DCPS: variants seen among roughly 807,000 people sequenced by gnomAD.
DCPS encodes decapping enzyme, scavenger, also known as m7GpppX diphosphatase.
A neutral mutation model predicts 34.7 loss-of-function variants in DCPS; 27 were observed. The ratio of observed to expected loss-of-function variants is 0.78; its 90% confidence interval spans 0.57 to 1.07. The LOEUF is 1.07. DCPS is among the 50% of genes least tolerant of loss of function. DCPS has a pLI of 0.00. For synonymous variants in DCPS, 185 were observed against 185.7 expected, an observed-to-expected ratio of 1.00 and a Z score of 0.03; for missense variants, 464 against 436.9, an observed-to-expected ratio of 1.06 and a Z score of -0.55.
chr11:126,318,478 C>CCAGGGGACATCCCA (rs1951679635), intron 2 of DCPS, among the ~76,000 whole-genome samples: 1 of 152,208 alleles, frequency 6.6e-6, no homozygotes, highest in Non-Finnish European at 1.5e-5. Flanking sequence ...TGTCGCCTAG[C>CCAGGGGACATCCCA]CAGGGGACAT....
Position 126,309,024 on chromosome 11 carries a change from C to CTT in DCPS, c.376+2296_376+2297dup, listed in dbSNP as rs543850318. Among the ~76,000 whole-genome samples, 272 of 138,392 alleles carry CTT rather than the reference C, an allele frequency of 2.0e-3. 3 individuals are homozygous for CTT. The highest frequency in any genetic ancestry group is 3.7e-3 in the South Asian group (16 of 4,366). The allele number at this position is 138,392 out of a possible 152,430, so 90.8% of individuals were successfully genotyped here. ...TAGTTCATCTTTTCTTTTCCTGCCCCTTTTTTTTTTTTTTTTTGAGATGGA... is the reference window on the plus strand; with the variant it reads ...TAGTTCATCTTTTCTTTTCCTGCCCCTTTTTTTTTTTTTTTTTTTGAGATGGA... On this transcript the variant is annotated intron_variant, in intron 2 of 5. Coordinates refer to ENST00000263579, the MANE Select transcript of DCPS (RefSeq NM_014026.6).
rs1951627054 is a variant in DCPS, at chr11:126,312,705, TA to T, written c.376+5962del. ...TGACTTCATGGCCACTGTCCTGGAT[TA>T]GGACCCATTAAGAGAAGGTGTATAG... On this transcript the variant is annotated intron_variant, in intron 2 of 5. Coordinates refer to ENST00000263579, the MANE Select transcript of DCPS (RefSeq NM_014026.6). The surrounding 1 kb of genome is among the most constrained non-coding windows in gnomAD (Gnocchi z 5.1). Among the ~76,000 whole-genome samples, 3 of 152,182 alleles carry T rather than the reference TA, an allele frequency of 2.0e-5. No homozygotes were observed. Among genetic ancestry groups the T allele is most frequent in the Non-Finnish European group, 4.4e-5 (3 of 68,034 alleles).
In DCPS at chr11:126,332,154, A is replaced by ACTCTTCCC. The variant is rs1429605906; in HGVS notation, c.522+605_522+612dup. Among the ~76,000 whole-genome samples the ACTCTTCCC allele has an allele frequency of 2.0e-5, 3 of 150,618 alleles. No individual in the cohort carries two copies. Among genetic ancestry groups the ACTCTTCCC allele is most frequent in the African/African-American group, 7.4e-5 (3 of 40,812 alleles). On this transcript the variant is annotated intron_variant, in intron 3 of 5. Transcript: ENST00000263579. This position sits in a 1 kb window ranked among gnomAD's most constrained non-coding sequence, Gnocchi z 5.4. ...GCAGGATCTCAGTCTCAGAGGAAAAACTCTTCCCTCACCGACTCCCCCTTG... is the reference window on the plus strand; with the variant it reads ...GCAGGATCTCAGTCTCAGAGGAAAAACTCTTCCCCTCTTCCCTCACCGACTCCCCCTTG...
rs1951791304 is a variant in DCPS, at chr11:126,331,433, C to T, written c.405C>T (p.Ala135=). 6.2e-7 allele frequency: 1 copy of T among 1,614,096 alleles called. No homozygotes were observed. Among genetic ancestry groups the T allele is most frequent in the Admixed American group, 1.7e-5 (1 of 60,010 alleles). The change falls in exon 3 of 6, where the codon GCC becomes GCT. Residue 135 remains alanine (A), a synonymous_variant. Coordinates refer to ENST00000263579, the MANE Select transcript of DCPS (RefSeq NM_014026.6). The surrounding 1 kb of genome is among the most constrained non-coding windows in gnomAD (Gnocchi z 7.2). ...NDVKTTVVYP[A]TEKHLQKYLR... ...TAAAGACGACCGTGGTTTACCCTGC[C>T]ACAGAGAAACACCTGCAGAAGTACC...
At chr11:126,306,806 G>GGTA in intron 2 of DCPS, 62 bp downstream of exon 2, 1 of 1,545,988 alleles carries the variant, frequency 6.5e-7, no homozygotes, top group East Asian at 2.3e-5. Context: ...GAAATTAGGT[G>GGTA]GTATGGTGAC....
rs1951934120 is a variant in DCPS at position 126,346,787 on chromosome 11, T to G, written c.*1174T>G. ...AGAACCAGGAAGCCTCATTCAGAGA[T>G]TAGCCCCTTTACTGCAGGTGGTAGC... On this transcript the variant is annotated 3_prime_UTR_variant, in exon 6 of 6. Transcript: ENST00000263579. This position sits in a 1 kb window ranked among gnomAD's most constrained non-coding sequence, Gnocchi z 4.1. Among the ~76,000 whole-genome samples, 1 of 152,150 alleles carries G rather than the reference T, an allele frequency of 6.6e-6. No individual in the cohort carries two copies. Among genetic ancestry groups the G allele is most frequent in the African/African-American group, 2.4e-5 (1 of 41,430 alleles).
intron 1 of DCPS, among the ~76,000 whole-genome samples, chr11:126,305,143 C>T (rs190531864): frequency 1.8e-3 from 269 of 152,210 alleles, no homozygotes; most frequent in African/African-American, 5.7e-3. Flanking sequence ...GGAGTCTCTC[C>T]TCTCTGTCAC....
At position 126,327,753 on chromosome 11, in the gene DCPS, C is replaced by T. The variant is rs1054375802; in HGVS notation, c.377-3652C>T. On this transcript the variant is annotated intron_variant, in intron 2 of 5. Transcript: ENST00000263579. The surrounding 1 kb of genome is among the most constrained non-coding windows in gnomAD (Gnocchi z 4.1). ...AAAAATGCTCTTCCTGGGTTTAAGT[C>T]GAAAAGGCCAGATTCATTGATTCAT... Among the ~76,000 whole-genome samples, 3 of 152,176 alleles carry T rather than the reference C, an allele frequency of 2.0e-5. No homozygotes were observed. The highest frequency in any genetic ancestry group is 4.8e-5 in the African/African-American group (2 of 41,436).
chr11:126,338,176 G>C lies in DCPS; in HGVS notation c.523-110G>C, dbSNP rs1337279644. On this transcript the variant is annotated intron_variant, in intron 3 of 5. Coordinates refer to ENST00000263579, the MANE Select transcript of DCPS (RefSeq NM_014026.6). The surrounding 1 kb of genome is among the most constrained non-coding windows in gnomAD (Gnocchi z 5.4). ...CCTCTGAGCGTGGCGGCCTTTTATGGCTTGGTTCTGTCTCCTGGAGAGGCC... is the reference window on the plus strand; with the variant it reads ...CCTCTGAGCGTGGCGGCCTTTTATGCCTTGGTTCTGTCTCCTGGAGAGGCC... 3.9e-5 allele frequency: 39 copies of C among 994,584 alleles called. No individual in the cohort carries two copies. Among genetic ancestry groups the C allele is most frequent in the Non-Finnish European group, 5.8e-5 (38 of 649,914 alleles). 61.6% of individuals were successfully genotyped at this position (994,584 alleles called of 1,614,324 possible). A position where few individuals can be genotyped will look rare whatever the true frequency, so the allele number is the denominator to read the frequency against.
chr11:126,326,360 C>T (rs1225611182), intron 2 of DCPS, among the ~76,000 whole-genome samples: 5 of 152,130 alleles, frequency 3.3e-5, no homozygotes, highest in Admixed American at 6.5e-5. Context: ...GTGTGGGTCC[C>T]GGCCCTGAGC....
rs1428016069 is a variant in DCPS, at chr11:126,345,976, T to G, written c.*363T>G. 6.6e-6 allele frequency among the ~76,000 whole-genome samples: 1 copy of G among 152,116 alleles called. No individual in the cohort carries two copies. The highest frequency in any genetic ancestry group is 1.5e-5 in the Non-Finnish European group (1 of 68,016). ...TCTGTGCCTCTCCTGTTTGTACAAC[T>G]TCTTATTCTGCTCCTCCCCATCACC... On this transcript the variant is annotated 3_prime_UTR_variant, in exon 6 of 6. Coordinates refer to ENST00000263579, the MANE Select transcript of DCPS (RefSeq NM_014026.6). This position sits in a 1 kb window ranked among gnomAD's most constrained non-coding sequence, Gnocchi z 7.4.
chr11:126,332,116 G>A lies in DCPS; in HGVS notation c.522+566G>A, dbSNP rs974394806. On this transcript the variant is annotated intron_variant, in intron 3 of 5. Transcript: ENST00000263579. The surrounding 1 kb of genome is among the most constrained non-coding windows in gnomAD (Gnocchi z 5.4). ...GACTCTTATTCCTGGTTTCACCTGC[G>A]GCAAACCGGCCTGCAGGATCTCAGT... Among the ~76,000 whole-genome samples, 2 of 152,154 alleles carry A rather than the reference G, an allele frequency of 1.3e-5. No homozygotes were observed. Among genetic ancestry groups the A allele is most frequent in the Non-Finnish European group, 2.9e-5 (2 of 68,032 alleles).
At position 126,345,759 on chromosome 11, in the gene DCPS, G is replaced by C. The variant is rs933290745; in HGVS notation, c.*146G>C. On this transcript the variant is annotated 3_prime_UTR_variant, in exon 6 of 6. Transcript: ENST00000263579. The surrounding 1 kb of genome is among the most constrained non-coding windows in gnomAD (Gnocchi z 7.4). ...TAAACTAGCGGGCTCACTCAGTGTG[G>C]ACAGCGTGGCCTGGGAGGCAGACAG... 4.7e-6 allele frequency: 6 copies of C among 1,268,710 alleles called. No individual in the cohort carries two copies. In the African/African-American group the frequency reaches 7.5e-5, roughly 16 times the overall value. 78.6% of individuals were successfully genotyped at this position (1,268,710 alleles called of 1,614,324 possible).
At position 126,345,893 on chromosome 11, in the gene DCPS, C is replaced by T; in HGVS notation, c.*280C>T. On this transcript the variant is annotated 3_prime_UTR_variant, in exon 6 of 6. Coordinates refer to ENST00000263579, the MANE Select transcript of DCPS (RefSeq NM_014026.6). This position sits in a 1 kb window ranked among gnomAD's most constrained non-coding sequence, Gnocchi z 7.4. Reference sequence around the variant, plus strand: ...AGGTGGGAGCTGCCCTGGAAGGGTGCCGAGGGCCTTCTCCAAGCCCCAGGG... The same window carrying T: ...AGGTGGGAGCTGCCCTGGAAGGGTGTCGAGGGCCTTCTCCAAGCCCCAGGG... 2.0e-6 allele frequency: 1 copy of T among 507,544 alleles called. No individual in the cohort carries two copies. Among genetic ancestry groups the T allele is most frequent in the Non-Finnish European group, 3.5e-6 (1 of 283,490 alleles). 31.4% of individuals were successfully genotyped at this position (507,544 alleles called of 1,614,324 possible).
chr11:126,320,097 G>A lies in DCPS; in HGVS notation c.377-11308G>A, dbSNP rs1424689699. 6.6e-6 allele frequency among the ~76,000 whole-genome samples: 1 copy of A among 150,674 alleles called. No individual in the cohort carries two copies. Among genetic ancestry groups the A allele is most frequent in the Non-Finnish European group, 1.5e-5 (1 of 67,860 alleles). ...CTCTCCATCTTTACCATCCTGGCCA[G>A]GCTGGTCTCAAACTCCTGACCTCAA... On this transcript the variant is annotated intron_variant, in intron 2 of 5. Transcript: ENST00000263579. The surrounding 1 kb of genome is among the most constrained non-coding windows in gnomAD (Gnocchi z 4.7).
Position 126,334,981 on chromosome 11 carries a change from C to T in DCPS, c.523-3305C>T, listed in dbSNP as rs1310435696. Among the ~76,000 whole-genome samples the T allele has an allele frequency of 1.3e-5, 2 of 152,218 alleles. No individual in the cohort carries two copies. Among genetic ancestry groups the T allele is most frequent in the Non-Finnish European group, 2.9e-5 (2 of 68,042 alleles). The stretch of plus-strand genomic sequence containing the variant: ...AAAATGTAACTAATGGCTCCTCCCT[C>T]CTGGGTGTTGTGGAAATTGAGAGAG... On this transcript the variant is annotated intron_variant, in intron 3 of 5. Coordinates refer to ENST00000263579, the MANE Select transcript of DCPS (RefSeq NM_014026.6). This position sits in a 1 kb window ranked among gnomAD's most constrained non-coding sequence, Gnocchi z 5.5.
chr11:126,310,713 C>T (rs1037916394), intron 2 of DCPS, among the ~76,000 whole-genome samples: 1 of 152,234 alleles, frequency 6.6e-6, no homozygotes, highest in Non-Finnish European at 1.5e-5. Flanking sequence ...TCCAGCTGTC[C>T]CCTCTGTGGG....
Position 126,338,353 on chromosome 11 carries a change from C to G in DCPS, c.590C>G (p.Ser197Cys). ...ATTGTTTTCGAGAACCCAGATCCCT[C>G]TGATGGTTTTGTCCTCATCCCTGAC... ...DRIVFENPDP[S>C]DGFVLIPDLK... The change falls in exon 4 of 6, where the codon TCT becomes TGT. Residue 197 changes from serine to cysteine, a missense_variant. Physicochemically the swap from Ser to Cys is moderately radical, Grantham distance 112. Coordinates refer to ENST00000263579, the MANE Select transcript of DCPS (RefSeq NM_014026.6). The surrounding 1 kb of genome is among the most constrained non-coding windows in gnomAD (Gnocchi z 5.4). 6.2e-7 allele frequency: 1 copy of G among 1,614,194 alleles called. No homozygotes were observed. The highest frequency in any genetic ancestry group is 8.5e-7 in the Non-Finnish European group (1 of 1,180,036).
rs771563009 is a variant in DCPS, at chr11:126,304,138, G to T, written c.58G>T (p.Ala20Ser). 6.2e-7 allele frequency: 1 copy of T among 1,614,142 alleles called. No homozygotes were observed. Among genetic ancestry groups the T allele is most frequent in the South Asian group, 1.1e-5 (1 of 91,074 alleles). Residue 20 changes from alanine to serine, a missense_variant, in exon 1 of 6, where the codon GCC becomes TCC. Coordinates refer to ENST00000263579, the MANE Select transcript of DCPS (RefSeq NM_014026.6). ...KRKRELDVEE[A>S]HAASTEEKEA... ...GAAGCGCGAATTGGACGTGGAGGAGGCCCACGCCGCCAGCACAGAGGAAAA... is the reference window on the plus strand; with the variant it reads ...GAAGCGCGAATTGGACGTGGAGGAGTCCCACGCCGCCAGCACAGAGGAAAA...
Sources: allele counts gnomAD v4.1 joint callset (sites outside exome capture counted in the v4.1 genomes callset), GRCh38; gene constraint gnomAD v4.1.1; non-coding constraint Gnocchi (gnomAD v3.1); transcripts MANE v1.5; gene names NCBI Gene and HGNC (gene_info 2026-07-23, HGNC 2026-07-21).